SBF2: variants seen among roughly 807,000 people sequenced by gnomAD.
SBF2 encodes the protein myotubularin-related protein 13.
A neutral mutation model predicts 225.2 loss-of-function variants in SBF2; 112 were observed. That is an observed-to-expected ratio of 0.50 (90% confidence interval 0.43 to 0.58). The LOEUF is 0.58. Among genes scored for constraint, SBF2 ranks in the 20% least tolerant of loss-of-function variants. The pLI is 0.00. For synonymous variants in SBF2, 763 were observed against 773.3 expected, an observed-to-expected ratio of 0.99 and a Z score of 0.22; for missense variants, 1,996 against 2,206.2, an observed-to-expected ratio of 0.90 and a Z score of 1.91.
chr11:10,057,067 C>T (rs188652777), intron 2 of SBF2, among the ~76,000 whole-genome samples: 1 of 152,188 alleles, frequency 6.6e-6, no homozygotes, highest in African/African-American at 2.4e-5. Flanking sequence ...GAGGGAGAAA[C>T]ACGCTCCCAT....
chr11:10,269,004 A>AT (rs966980238), intron 1 of SBF2, among the ~76,000 whole-genome samples: 9 of 151,574 alleles, frequency 5.9e-5, no homozygotes, highest in Middle Eastern at 3.4e-3. Context: ...TCATTAAGTG[A>AT]TTTTTTTTTC....
chr11:10,143,910 G>A lies in SBF2; in HGVS notation c.141+49992C>T, dbSNP rs201231098. ...TTTTTTTTGTATTTTTAGTAGAGAC[G>A]GGGTTTCACCGCATTAGCCAGGATG... On this transcript the variant is annotated intron_variant, in intron 2 of 39. Coordinates refer to ENST00000256190, the MANE Select transcript of SBF2 (RefSeq NM_030962.4). 2.6e-5 allele frequency among the ~76,000 whole-genome samples: 4 copies of A among 151,898 alleles called. No homozygotes were observed. The East Asian group carries it at 5.8e-4, about 22-fold the overall frequency.
chr11:10,234,983 T>A (rs1203810678), intron 1 of SBF2, among the ~76,000 whole-genome samples: 1 of 152,148 alleles, frequency 6.6e-6, no homozygotes, highest in African/African-American at 2.4e-5. Flanking sequence ...ACATGGCACT[T>A]CCTACGTACA....
chr11:10,111,232 G>C (rs758865103), intron 2 of SBF2, among the ~76,000 whole-genome samples: 4 of 151,822 alleles, frequency 2.6e-5, no homozygotes, highest in Non-Finnish European at 5.9e-5. Context: ...CTTCATGCTT[G>C]CTCCAAAAAT....
chr11:10,230,583 T>C (rs1958798588), intron 1 of SBF2, among the ~76,000 whole-genome samples: 1 of 152,230 alleles, frequency 6.6e-6, no homozygotes, highest in African/African-American at 2.4e-5. Context: ...TTAGTTTGGC[T>C]GGATATGAAA....
At chr11:10,041,874 T>C (rs57975192) in intron 3 of SBF2, among the ~76,000 whole-genome samples, 2,208 of 150,508 alleles carry the variant, frequency 0.015, 38 homozygotes, top group African/African-American at 0.038. Context: ...AAGTCCCCTT[T>C]ATGGTTTCCT....
At position 9,779,971 on chromosome 11, in the gene SBF2, T is replaced by C. The variant is rs192282549; in HGVS notation, c.*447A>G. 11 of 249,046 alleles carry C rather than the reference T, an allele frequency of 4.4e-5. No homozygotes were observed. Among genetic ancestry groups the C allele is most frequent in the East Asian group, 9.0e-5 (1 of 11,152 alleles). 15.4% of individuals were successfully genotyped at this position (249,046 alleles called of 1,614,324 possible). On this transcript the variant is annotated 3_prime_UTR_variant, in exon 40 of 40. Transcript: ENST00000256190. ...AGGCATTACAAGTAGATGTCTCTCA[T>C]AGGAAACCTAGTCCAGGTAGAATAT...
intron 3 of SBF2, among the ~76,000 whole-genome samples, chr11:10,041,179 C>G (rs560945744): frequency 7.2e-5 from 11 of 151,966 alleles, no homozygotes; most frequent in Non-Finnish European, 1.6e-4. Context: ...TGCTAAAGAT[C>G]AACAGAGAAA....
intron 1 of SBF2, among the ~76,000 whole-genome samples, chr11:10,227,722 T>G (rs1262142043): frequency 6.6e-6 from 1 of 152,364 alleles, no homozygotes; most frequent in African/African-American, 2.4e-5. Flanking sequence ...TTGGTTACTG[T>G]AGCCTTGTAT....
chr11:9,877,726 G>T (rs376155835), intron 17 of SBF2, among the ~76,000 whole-genome samples: 33,190 of 151,880 alleles, frequency 0.22, 4,295 homozygotes, highest in Non-Finnish European at 0.28. Context: ...TGACATGAAC[G>T]CATCCTTTTT....
At chr11:9,900,586 T>C (rs1861644894) in intron 16 of SBF2, among the ~76,000 whole-genome samples, 1 of 152,184 alleles carries the variant, frequency 6.6e-6, no homozygotes, top group South Asian at 2.1e-4. Flanking sequence ...TCCCTTCCCT[T>C]GTCCAAGTGT....
At chr11:9,821,108 C>A (rs1854727791) in intron 28 of SBF2, among the ~76,000 whole-genome samples, 1 of 152,166 alleles carries the variant, frequency 6.6e-6, no homozygotes, top group African/African-American at 2.4e-5. Context: ...TTAACCTTGG[C>A]AAAATAAACT....
chr11:10,119,171 T>A (rs1217054367), intron 2 of SBF2, among the ~76,000 whole-genome samples: 8 of 152,136 alleles, frequency 5.3e-5, no homozygotes, highest in Admixed American at 5.2e-4. Flanking sequence ...TATATTTTAC[T>A]AAGTCTGCCA....
intron 16 of SBF2, among the ~76,000 whole-genome samples, chr11:9,922,076 G>A (rs1242349891): frequency 6.6e-6 from 1 of 151,822 alleles, no homozygotes; most frequent in Admixed American, 6.6e-5. Context: ...GTGGGACTCC[G>A]ATTGTACAAA....
intron 13 of SBF2, among the ~76,000 whole-genome samples, chr11:9,987,499 T>C (rs931889042): frequency 6.6e-6 from 1 of 152,124 alleles, no homozygotes; most frequent in Non-Finnish European, 1.5e-5. Context: ...CTGACGGTTA[T>C]AATCATTTAC....
intron 2 of SBF2, among the ~76,000 whole-genome samples, chr11:10,064,463 C>A (rs1382281531): frequency 6.6e-6 from 1 of 151,968 alleles, no homozygotes; most frequent in African/African-American, 2.4e-5. Flanking sequence ...TAGATTCCAG[C>A]CTAACCATAT....
chr11:9,877,770 C>T (rs566473946), intron 17 of SBF2, among the ~76,000 whole-genome samples: 209 of 152,230 alleles, frequency 1.4e-3, no homozygotes, highest in African/African-American at 4.8e-3. Flanking sequence ...TGTTTATGTG[C>T]CACATTTTCT....
chr11:9,846,810 A>G, intron 23 of SBF2, 146 bp downstream of exon 23: 2 of 879,796 alleles, frequency 2.3e-6, no homozygotes, highest in Non-Finnish European at 3.7e-6. Context: ...GAGTTTACTC[A>G]GCTGATGACT....
intron 1 of SBF2, among the ~76,000 whole-genome samples, chr11:10,222,730 T>C (rs1958384215): frequency 1.3e-5 from 2 of 152,168 alleles, no homozygotes; most frequent in Admixed American, 6.5e-5. Context: ...AATACACTCA[T>C]TAATTCAACA....
Sources: gnomAD v4.1 joint callset for allele counts (sites outside exome capture counted in the v4.1 genomes callset) on GRCh38, gnomAD v4.1.1 for gene constraint, MANE v1.5 for transcripts, NCBI Gene and HGNC (gene_info 2026-07-23, HGNC 2026-07-21) for gene names.